Variants in HNRNPA1 observed in about 807,000 individuals in gnomAD.
HNRNPA1 encodes the protein heterogeneous nuclear ribonucleoprotein A1, also known as epididymis secretory sperm binding protein.
HNRNPA1 carries 7 observed loss-of-function variants against 44.4 expected under a neutral mutation model. The ratio of observed to expected loss-of-function variants is 0.16; its 90% CI spans 0.09 to 0.30. The LOEUF is 0.30. Among genes scored for constraint, HNRNPA1 ranks in the 10% least tolerant of loss-of-function variants. HNRNPA1 has a pLI of 1.00. For synonymous variants in HNRNPA1, 169 were observed against 160.6 expected (o/e 1.05, Z -0.40); for missense variants, 193 against 465.8 (o/e 0.41, Z 5.39).
chr12:54,283,314 ATT>A, intron 8 of HNRNPA1, 80 bp downstream of exon 8: 1 of 1,480,076 alleles, frequency 6.8e-7, no homozygotes, highest in Non-Finnish European at 9.3e-7. Flanking sequence ...CTGTTGAAGC[ATT>A]GTGTGGTACA....
chr12:54,280,763 C>T lies in HNRNPA1; in HGVS notation c.-45C>T, dbSNP rs942085772. ...CAGCTTGCTCCTTTCTGCCCGTGGA[C>T]GCCGCCGAAGAAGCATCGTTAAAGT... On this transcript the variant is annotated 5_prime_UTR_variant, in exon 1 of 11. In the 5' UTR this introduces an upstream ATG that the reference lacks. Coordinates refer to ENST00000340913, the MANE Select transcript of HNRNPA1 (RefSeq NM_031157.4). The T allele has an allele frequency of 1.2e-6, 2 of 1,613,376 alleles. No homozygotes were observed. The highest frequency in any genetic ancestry group is 1.3e-5 in the African/African-American group (1 of 75,032).
chr12:54,280,866 T>C lies in HNRNPA1; in HGVS notation c.15+44T>C, dbSNP rs368124436. The C allele has an allele frequency of 7.5e-6, 12 of 1,608,242 alleles. No homozygotes were observed. The African/African-American group carries it at 1.6e-4, about 21-fold the overall frequency. On this transcript the variant is annotated intron_variant, in intron 1 of 10. Transcript: ENST00000340913. ...CCCACTTGAATTTTTTCCTCTCCCT[T>C]TCCTGAATCGGTAAGATGCTGCTGG...
intron 1 of HNRNPA1, 56 bp from the exon 2 acceptor site, chr12:54,281,330 A>G (rs1944165175): frequency 1.0e-6 from 1 of 971,328 alleles, no homozygotes; most frequent in Admixed American, 2.1e-5. Context: ...CTTTTCCTCG[A>G]TGGAAATTGT....
intron 8 of HNRNPA1, 150 bp downstream of exon 8, chr12:54,283,384 C>T (rs1944210541): frequency 2.4e-6 from 2 of 828,430 alleles, no homozygotes; most frequent in Admixed American, 5.3e-5. Flanking sequence ...TAGCTTTAAG[C>T]TGGGGCCGCC....
rs1944238586 is a variant in HNRNPA1 at position 54,284,732 on chromosome 12, T to TATA, written c.*190_*192dup. ...CGAGGACTGTATTTGTGACTAATTG[T>TATA]ATAACAGGTTATTTTAGTTTCTGTT... On this transcript the variant is annotated 3_prime_UTR_variant, in exon 11 of 11. Transcript: ENST00000340913. 1 of 414,668 alleles carries TATA rather than the reference T, an allele frequency of 2.4e-6. No individual in the cohort carries two copies. Among genetic ancestry groups the TATA allele is most frequent in the Admixed American group, 3.0e-5 (1 of 32,876 alleles). 25.7% of individuals were successfully genotyped at this position (414,668 alleles called of 1,614,324 possible).
At position 54,286,631 on chromosome 12, in the gene HNRNPA1, AGCTAGT is replaced by A. The variant is rs1944267613; in HGVS notation, c.*2088_*2093del. 1.3e-5 allele frequency: 2 copies of A among 152,096 alleles called. No homozygotes were observed. The highest frequency in any genetic ancestry group is 2.9e-5 in the Non-Finnish European group (2 of 68,014). The allele number at this position is 152,096 out of a possible 1,614,324, so 9.4% of individuals were successfully genotyped here. The stretch of plus-strand genomic sequence containing the variant: ...AGCTTGAGATGGGACTTGGTCTTAG[AGCTAGT>A]TCTAAAGGTTGTTTACTTTTCTAGG... On this transcript the variant is annotated 3_prime_UTR_variant, in exon 11 of 11. Transcript: ENST00000340913.
rs1944144627 is a variant in HNRNPA1 at position 54,280,792 on chromosome 12, T to C, written c.-16T>C. 1 of 1,614,172 alleles carries C rather than the reference T, an allele frequency of 6.2e-7. No homozygotes were observed. ...GCCGAAGAAGCATCGTTAAAGTCTCTCTTCACCCTGCCGTCATGTCTAAGT... is the reference window on the plus strand; with the variant it reads ...GCCGAAGAAGCATCGTTAAAGTCTCCCTTCACCCTGCCGTCATGTCTAAGT... On this transcript the variant is annotated 5_prime_UTR_variant, in exon 1 of 11. Coordinates refer to ENST00000340913, the MANE Select transcript of HNRNPA1 (RefSeq NM_031157.4).
chr12:54,282,081 T>G lies in HNRNPA1; in HGVS notation c.280-9T>G, dbSNP rs569782875. 35 of 1,611,484 alleles carry G rather than the reference T, an allele frequency of 2.2e-5. 2 individuals carry two copies. The African/African-American group carries it at 3.2e-4, about 15-fold the overall frequency. On this transcript the variant is annotated splice_polypyrimidine_tract_variant and intron_variant, in intron 3 of 10. Coordinates refer to ENST00000340913, the MANE Select transcript of HNRNPA1 (RefSeq NM_031157.4). ...TGCTAATCTAAACCTATGGTTTTTCTCCTATTAGGATTCTCAAAGACCAGG... is the reference window on the plus strand; with the variant it reads ...TGCTAATCTAAACCTATGGTTTTTCGCCTATTAGGATTCTCAAAGACCAGG...
rs1944179230 is a variant in HNRNPA1 at position 54,281,958 on chromosome 12, TC to T, written c.279+18del. 6.2e-7 allele frequency: 1 copy of T among 1,607,232 alleles called. No individual in the cohort carries two copies. The highest frequency in any genetic ancestry group is 8.5e-7 in the Non-Finnish European group (1 of 1,178,250). On this transcript the variant is annotated intron_variant, in intron 3 of 10. Transcript: ENST00000340913. ...TCCAGAGAAGTGAGTGGGTTTTTTTTCTTCTTCTTCTTAAACTTACTTGGAT... is the reference window on the plus strand; with the variant it reads ...TCCAGAGAAGTGAGTGGGTTTTTTTTTTCTTCTTCTTAAACTTACTTGGAT...
At position 54,282,404 on chromosome 12, in the gene HNRNPA1, C is replaced by T. The variant is rs750928855; in HGVS notation, c.501C>T (p.Tyr167=). ...DSVDKIVIQK[Y]HTVNGHNCEV... Reference sequence around the variant, plus strand: ...ATGTTTTTTTTTTAGTTCAGAAATACCATACTGTGAATGGCCACAACTGTG... The same window carrying T: ...ATGTTTTTTTTTTAGTTCAGAAATATCATACTGTGAATGGCCACAACTGTG... Residue 167 remains tyrosine, a synonymous_variant, in exon 5 of 11, where the codon TAC becomes TAT. Coordinates refer to ENST00000340913, the MANE Select transcript of HNRNPA1 (RefSeq NM_031157.4). 9.3e-5 allele frequency: 150 copies of T among 1,612,938 alleles called. No individual in the cohort carries two copies. The highest frequency in any genetic ancestry group is 1.2e-4 in the Non-Finnish European group (142 of 1,179,274).
rs1358321414 is a variant in HNRNPA1 at position 54,283,189 on chromosome 12, G to A, written c.862G>A (p.Asp288Asn). Residue 288 changes from aspartate (D) to asparagine (N), a missense_variant, in exon 8 of 11, where the codon GAC becomes AAC. Coordinates refer to ENST00000340913, the MANE Select transcript of HNRNPA1 (RefSeq NM_031157.4). Reference protein sequence around the residue: ...GSGYGGSGSYDSYNNGGGGGF... With the variant: ...GSGYGGSGSYNSYNNGGGGGF... Reference sequence around the variant, plus strand: ...TGGCTATGGCGGGAGTGGCAGCTATGACAGCTATAACAACGGAGGCGGAGG... The same window carrying A: ...TGGCTATGGCGGGAGTGGCAGCTATAACAGCTATAACAACGGAGGCGGAGG... 6.2e-7 allele frequency: 1 copy of A among 1,609,406 alleles called. No individual in the cohort carries two copies. The highest frequency in any genetic ancestry group is 1.1e-5 in the South Asian group (1 of 90,384).
At chr12:54,282,027 AC>A (rs770866462) in intron 3 of HNRNPA1, 62 bp from the exon 4 acceptor site, 11 of 1,599,406 alleles carry the variant, frequency 6.9e-6, no homozygotes, top group Admixed American at 5.2e-5. Flanking sequence ...TTCTAAACTT[AC>A]CAAAATTTTT....
chr12:54,283,142 A>G lies in HNRNPA1; in HGVS notation c.815A>G (p.Gln272Arg), dbSNP rs1319832884. 6.2e-7 allele frequency: 1 copy of G among 1,613,604 alleles called. No individual in the cohort carries two copies. The highest frequency in any genetic ancestry group is 8.5e-7 in the Non-Finnish European group (1 of 1,179,790). ...GGSRGYGSGG[Q>R]GYGNQGSGYG... ...AGCAGAGGCTATGGAAGTGGTGGAC[A>G]GGGTTATGGAAACCAGGGCAGTGGC... Residue 272 changes from glutamine (Q) to arginine (R), a missense_variant, in exon 8 of 11, where the codon CAG becomes CGG. Physicochemically the swap from Gln to Arg is conservative, Grantham distance 43. Coordinates refer to ENST00000340913, the MANE Select transcript of HNRNPA1 (RefSeq NM_031157.4).
rs1471263554 is a variant in HNRNPA1 at position 54,285,453 on chromosome 12, A to G, written c.*909A>G. ...CTTTTAAAAATAACTAATATCAGAA[A>G]GCATTTTAATGAACGTAAAGATAGG... On this transcript the variant is annotated 3_prime_UTR_variant, in exon 11 of 11. Transcript: ENST00000340913. 9.2e-5 allele frequency: 14 copies of G among 152,256 alleles called. No homozygotes were observed. Among genetic ancestry groups the G allele is most frequent in the African/African-American group, 1.4e-4 (6 of 41,462 alleles). 9.4% of individuals were successfully genotyped at this position (152,256 alleles called of 1,614,324 possible). A position where few individuals can be genotyped will look rare whatever the true frequency, so the allele number is the denominator to read the frequency against.
At chr12:54,283,277 T>G (rs1156285472) in intron 8 of HNRNPA1, 43 bp downstream of exon 8, 5 of 1,596,186 alleles carry the variant, frequency 3.1e-6, no homozygotes, top group Middle Eastern at 1.7e-4. Context: ...ACAGCTAGAT[T>G]AGCCTTTTAG....
intron 2 of HNRNPA1, 95 bp downstream of exon 2, chr12:54,281,597 CA>C: frequency 9.8e-7 from 1 of 1,023,684 alleles, no homozygotes; most frequent in Middle Eastern, 2.0e-4. Flanking sequence ...TAGTTAATAG[CA>C]TTATAGTTAG....
rs974445613 is a variant in HNRNPA1 at position 54,286,882 on chromosome 12, A to G, written c.*2338A>G. 11 of 152,232 alleles carry G rather than the reference A, an allele frequency of 7.2e-5. No individual in the cohort carries two copies. The highest frequency in any genetic ancestry group is 1.5e-5 in the Non-Finnish European group (1 of 68,030). 9.4% of individuals were successfully genotyped at this position (152,232 alleles called of 1,614,324 possible). A position where few individuals can be genotyped will look rare whatever the true frequency, so the allele number is the denominator to read the frequency against. ...CCAACCAGGTATTCCCAGTAGTGACAGTGGATATAACTGTGTAGTCATTCA... is the reference window on the plus strand; with the variant it reads ...CCAACCAGGTATTCCCAGTAGTGACGGTGGATATAACTGTGTAGTCATTCA... On this transcript the variant is annotated 3_prime_UTR_variant, in exon 11 of 11. Coordinates refer to ENST00000340913, the MANE Select transcript of HNRNPA1 (RefSeq NM_031157.4).
rs1041584572 is a variant in HNRNPA1 at position 54,280,897 on chromosome 12, G to T, written c.15+75G>T. On this transcript the variant is annotated intron_variant, in intron 1 of 10. Transcript: ENST00000340913. ...AATCGGTAAGATGCTGCTGGGTTTC[G>T]TTCCTTGCACCAGCCCATTCTACAG... 6 of 1,522,166 alleles carry T rather than the reference G, an allele frequency of 3.9e-6. No homozygotes were observed. The African/African-American group carries it at 5.5e-5, about 14-fold the overall frequency. 94.3% of individuals were successfully genotyped at this position (1,522,166 alleles called of 1,614,324 possible).
Position 54,285,171 on chromosome 12 carries a change from GATAAA to G in HNRNPA1, c.*630_*634del, listed in dbSNP as rs1365043670. 6.5e-6 allele frequency: 1 copy of G among 153,584 alleles called. No individual in the cohort carries two copies. The highest frequency in any genetic ancestry group is 1.5e-5 in the Non-Finnish European group (1 of 68,670). The allele number at this position is 153,584 out of a possible 1,614,324, so 9.5% of individuals were successfully genotyped here. On this transcript the variant is annotated 3_prime_UTR_variant, in exon 11 of 11. Transcript: ENST00000340913. ...ATATCTAAATTGAATAATGGTACCA[GATAAA>G]ATTATAGATGGGAATGAAGCTTGTG...
Sources: gnomAD v4.1 joint callset for allele counts on GRCh38, gnomAD v4.1.1 for gene constraint, MANE v1.5 for transcripts, NCBI Gene and HGNC (gene_info 2026-07-23, HGNC 2026-07-21) for gene names.